Variants in CNTNAP5 observed in about 807,000 individuals in gnomAD.
CNTNAP5 encodes the protein contactin associated protein family member 5, also known as contactin-associated protein-like 5.
CNTNAP5 carries 72 observed loss-of-function variants against 150.2 expected under a neutral mutation model. That is an observed-to-expected ratio of 0.48 (90% CI 0.40 to 0.58). The LOEUF is 0.58. Among genes scored for constraint, CNTNAP5 ranks in the 20% least tolerant of loss-of-function variants. CNTNAP5 has a pLI of 0.00. For missense variants in CNTNAP5, 1,636 were observed against 1,626.2 expected (o/e 1.01, Z -0.10); for synonymous variants, 672 against 619.8 (o/e 1.08, Z -1.25).
At chr2:124,768,136 C>T (rs989591877) in intron 16 of CNTNAP5, among the ~76,000 whole-genome samples, 2 of 152,120 alleles carry the variant, frequency 1.3e-5, no homozygotes, top group African/African-American at 2.4e-5. Context: ...AGAAGGTAGT[C>T]GTCAGGGAGA....
intron 10 of CNTNAP5, among the ~76,000 whole-genome samples, chr2:124,554,629 C>T (rs1695710174): frequency 6.6e-6 from 1 of 151,982 alleles, no homozygotes; most frequent in African/African-American, 2.4e-5. Context: ...CATGTGTTGT[C>T]CAGACTTATC....
intron 12 of CNTNAP5, among the ~76,000 whole-genome samples, chr2:124,635,622 C>T (rs1206527832): frequency 6.6e-6 from 1 of 152,134 alleles, no homozygotes; most frequent in Admixed American, 6.5e-5. Flanking sequence ...TGGAAAATAA[C>T]AAATGGGTGT....
chr2:124,200,049 T>C (rs1476309786), intron 1 of CNTNAP5, among the ~76,000 whole-genome samples: 3 of 152,192 alleles, frequency 2.0e-5, no homozygotes, highest in African/African-American at 7.2e-5. Flanking sequence ...GTCTTTTTCG[T>C]GATTCTAAAA....
intron 13 of CNTNAP5, among the ~76,000 whole-genome samples, chr2:124,732,105 A>G (rs1295480790): frequency 6.6e-6 from 1 of 152,088 alleles, no homozygotes; most frequent in African/African-American, 2.4e-5. Flanking sequence ...CTTGTCAGGG[A>G]TCAGTGTTAT....
At chr2:124,193,888 C>T (rs539884950) in intron 1 of CNTNAP5, among the ~76,000 whole-genome samples, 1 of 152,184 alleles carries the variant, frequency 6.6e-6, no homozygotes, top group African/African-American at 2.4e-5. Flanking sequence ...ACAAGAGGGG[C>T]TGCCAAACCT....
At chr2:124,670,739 T>A (rs1195443863) in intron 13 of CNTNAP5, among the ~76,000 whole-genome samples, 1 of 151,962 alleles carries the variant, frequency 6.6e-6, no homozygotes, top group Non-Finnish European at 1.5e-5. Context: ...CTTTTCCAAT[T>A]TACCACATGC....
At position 124,187,181 on chromosome 2, in the gene CNTNAP5, CA is replaced by C. The variant is rs554752602; in HGVS notation, c.83-34519del. On this transcript the variant is annotated intron_variant, in intron 1 of 23. Transcript: ENST00000682447. The stretch of plus-strand genomic sequence containing the variant: ...CTGGAAGGAAAAAAAGAAAAGGTAG[CA>C]AAAAGAGATGGATATGCATTACTAG... Among the ~76,000 whole-genome samples, 660 of 152,212 alleles carry C rather than the reference CA, an allele frequency of 4.3e-3. 6 individuals carry two copies. The highest frequency in any genetic ancestry group is 0.015 in the African/African-American group (625 of 41,546).
chr2:124,052,895 C>A (rs1355613849), intron 1 of CNTNAP5, among the ~76,000 whole-genome samples: 1 of 152,150 alleles, frequency 6.6e-6, no homozygotes, highest in Non-Finnish European at 1.5e-5. Context: ...TTTGCTAATG[C>A]CATTTTCTCT....
intron 2 of CNTNAP5, among the ~76,000 whole-genome samples, chr2:124,239,588 T>C (rs1021594361): frequency 1.3e-5 from 2 of 151,960 alleles, no homozygotes; most frequent in African/African-American, 2.4e-5. Flanking sequence ...TATGCAAAAA[T>C]CAGAAGAGTA....
At chr2:124,366,169 G>T (rs920660303) in intron 3 of CNTNAP5, among the ~76,000 whole-genome samples, 4 of 152,072 alleles carry the variant, frequency 2.6e-5, no homozygotes, top group Non-Finnish European at 5.9e-5. Flanking sequence ...ATTAGCATTA[G>T]TCATCTCAGT....
At chr2:124,174,047 C>T (rs1112313) in intron 1 of CNTNAP5, among the ~76,000 whole-genome samples, 117,189 of 151,144 alleles carry the variant, frequency 0.78, 46,003 homozygotes, top group Non-Finnish European at 0.8. Flanking sequence ...TGAATGGCAG[C>T]ACATCTATCT....
intron 1 of CNTNAP5, among the ~76,000 whole-genome samples, chr2:124,184,325 T>G (rs1685277908): frequency 6.6e-6 from 1 of 152,168 alleles, no homozygotes; most frequent in South Asian, 2.1e-4. Flanking sequence ...TGGGCGGAGC[T>G]TTGCATGGAG....
intron 2 of CNTNAP5, among the ~76,000 whole-genome samples, chr2:124,226,210 AT>A (rs1686455509): frequency 1.3e-5 from 2 of 151,238 alleles, no homozygotes; most frequent in South Asian, 4.2e-4. Flanking sequence ...AACTATGCTA[AT>A]TTACATTCCC....
intron 13 of CNTNAP5, among the ~76,000 whole-genome samples, chr2:124,668,406 G>A (rs919110894): frequency 5.9e-5 from 9 of 152,128 alleles, no homozygotes; most frequent in Admixed American, 5.9e-4. Context: ...GGCATTGAGG[G>A]GCAAGGAGGA....
chr2:124,089,306 A>G (rs1412310598), intron 1 of CNTNAP5, among the ~76,000 whole-genome samples: 4 of 151,808 alleles, frequency 2.6e-5, no homozygotes, highest in Non-Finnish European at 5.9e-5. Flanking sequence ...GAAGAAAAAT[A>G]TTTCGTTGGA....
intron 1 of CNTNAP5, among the ~76,000 whole-genome samples, chr2:124,090,092 T>C (rs1360049349): frequency 6.6e-6 from 1 of 152,210 alleles, no homozygotes; most frequent in Non-Finnish European, 1.5e-5. Context: ...AGTAAATGTA[T>C]GGATGGATGA....
chr2:124,609,973 A>G (rs1338179428), intron 12 of CNTNAP5, 53 bp downstream of exon 12: 31 of 1,554,658 alleles, frequency 2.0e-5, no homozygotes, highest in Non-Finnish European at 2.2e-5. Context: ...CATGGAAGGA[A>G]GCAAAAATAA....
At chr2:124,729,397 TG>T (rs1208951266) in intron 13 of CNTNAP5, among the ~76,000 whole-genome samples, 10 of 152,080 alleles carry the variant, frequency 6.6e-5, no homozygotes, top group African/African-American at 2.2e-4. Flanking sequence ...TTGTTTTCTT[TG>T]TTAGGCATCA....
intron 13 of CNTNAP5, among the ~76,000 whole-genome samples, chr2:124,727,769 T>A (rs1680189412): frequency 6.6e-6 from 1 of 152,056 alleles, no homozygotes; most frequent in African/African-American, 2.4e-5. Context: ...ATTTTACTTA[T>A]TTTTTCCATT....
Sources: allele counts gnomAD v4.1 joint callset (sites outside exome capture counted in the v4.1 genomes callset), GRCh38; gene constraint gnomAD v4.1.1; transcripts MANE v1.5; gene names NCBI Gene and HGNC (gene_info 2026-07-23, HGNC 2026-07-21).